DNAJC13: variants seen among roughly 807,000 people sequenced by gnomAD.
DNAJC13 encodes DnaJ heat shock protein family (Hsp40) member C13, also known as dnaJ homolog subfamily C member 13.
A neutral mutation model predicts 290.5 loss-of-function variants in DNAJC13; 75 were observed. The observed-to-expected ratio is 0.26, with a 90% CI of 0.21 to 0.31. DNAJC13 has a LOEUF of 0.31. DNAJC13 is among the 10% of genes least tolerant of loss of function. The pLI is 1.00. For missense variants in DNAJC13, 2,260 were observed against 2,674.5 expected, an observed-to-expected ratio of 0.85 and a Z score of 3.42; for synonymous variants, 862 against 892.0, an observed-to-expected ratio of 0.97 and a Z score of 0.60.
At chr3:132,422,268 C>T (rs1335584991) in intron 1 of DNAJC13, among the ~76,000 whole-genome samples, 1 of 152,078 alleles carries the variant, frequency 6.6e-6, no homozygotes, top group Admixed American at 6.5e-5. Context: ...AACTCCTGAG[C>T]TCAAGCAATC....
intron 1 of DNAJC13, among the ~76,000 whole-genome samples, chr3:132,432,452 A>G (rs557234405): frequency 3.7e-4 from 56 of 152,208 alleles, no homozygotes; most frequent in African/African-American, 1.1e-3. Context: ...TGATCCACCT[A>G]TGTCAGCCTC....
chr3:132,422,789 C>T (rs1336268935), intron 1 of DNAJC13, among the ~76,000 whole-genome samples: 4 of 152,056 alleles, frequency 2.6e-5, no homozygotes, highest in Admixed American at 2.6e-4. Context: ...ATTCAATAGT[C>T]GACATATGGG....
At chr3:132,422,075 G>A (rs1030754213) in intron 1 of DNAJC13, among the ~76,000 whole-genome samples, 8 of 151,254 alleles carry the variant, frequency 5.3e-5, no homozygotes, top group African/African-American at 1.9e-4. Flanking sequence ...CTGTTGCCCA[G>A]GCTGGAATGC....
In DNAJC13 at chr3:132,514,686, G is replaced by T. The variant is rs760270829; in HGVS notation, c.5485+16G>T. 1 of 1,589,716 alleles carries T rather than the reference G, an allele frequency of 6.3e-7. No homozygotes were observed. Among genetic ancestry groups the T allele is most frequent in the East Asian group, 2.2e-5 (1 of 44,458 alleles). On this transcript the variant is annotated intron_variant, in intron 46 of 55. Transcript: ENST00000260818. ...TTGCCATCAAGTATGTATACAGATG[G>T]AATTTTGGAAACCACAGCAAGATTA...
chr3:132,524,032 T>C (rs1936175529), intron 51 of DNAJC13: 2 of 206,522 alleles, frequency 9.7e-6, no homozygotes, highest in Admixed American at 1.1e-4. Flanking sequence ...GAGAAACCTG[T>C]GTGTTCGGTG....
chr3:132,470,825 G>T (rs1349783602), intron 20 of DNAJC13, among the ~76,000 whole-genome samples: 7 of 131,514 alleles, frequency 5.3e-5, no homozygotes, highest in African/African-American at 1.9e-4. Flanking sequence ...GGACAGGGCG[G>T]CTGGCCAGGC....
intron 2 of DNAJC13, among the ~76,000 whole-genome samples, chr3:132,441,579 G>A (rs757222652): frequency 8.5e-5 from 13 of 152,116 alleles, no homozygotes; most frequent in South Asian, 2.1e-4. Context: ...GAAATTTTCC[G>A]ACGTCAAGAA....
At position 132,525,804 on chromosome 3, in the gene DNAJC13, A is replaced by T; in HGVS notation, c.6240+15A>T. ...CTGAAAATGAGGTATTGATGAATACACTTAGTAGTTTATAAGCTCCAGAAT... is the reference window on the plus strand; with the variant it reads ...CTGAAAATGAGGTATTGATGAATACTCTTAGTAGTTTATAAGCTCCAGAAT... On this transcript the variant is annotated intron_variant, in intron 52 of 55. Transcript: ENST00000260818. 2 of 1,610,426 alleles carry T rather than the reference A, an allele frequency of 1.2e-6. No homozygotes were observed. Among genetic ancestry groups the T allele is most frequent in the Non-Finnish European group, 1.7e-6 (2 of 1,177,676 alleles).
chr3:132,445,446 T>C (rs1007026214), intron 2 of DNAJC13, among the ~76,000 whole-genome samples: 1 of 152,080 alleles, frequency 6.6e-6, no homozygotes, highest in African/African-American at 2.4e-5. Flanking sequence ...TTGTATTGTC[T>C]TTTCAGATTT....
intron 30 of DNAJC13, 68 bp downstream of exon 30, chr3:132,488,520 T>C (rs1576494547): frequency 1.4e-6 from 2 of 1,412,348 alleles, no homozygotes; most frequent in East Asian, 4.7e-5. Flanking sequence ...TTTAATTGAA[T>C]TATTTGTGAG....
chr3:132,437,797 C>T (rs751178699), intron 2 of DNAJC13, among the ~76,000 whole-genome samples: 1 of 152,128 alleles, frequency 6.6e-6, no homozygotes, highest in Admixed American at 6.5e-5. Context: ...TGGTCTCTTG[C>T]ATTTCCATAT....
chr3:132,489,069 T>C, intron 31 of DNAJC13, 48 bp downstream of exon 31: 1 of 1,514,680 alleles, frequency 6.6e-7, no homozygotes, highest in Non-Finnish European at 9.1e-7. Context: ...TAAGCTGTTT[T>C]GGCACTATAA....
intron 1 of DNAJC13, among the ~76,000 whole-genome samples, chr3:132,430,597 A>G (rs1939214647): frequency 6.6e-6 from 1 of 152,162 alleles, no homozygotes; most frequent in Non-Finnish European, 1.5e-5. Flanking sequence ...CAATATCTTA[A>G]GTTTAGACTA....
chr3:132,477,676 A>T, intron 22 of DNAJC13, 113 bp from the exon 23 acceptor site: 1 of 708,948 alleles, frequency 1.4e-6, no homozygotes, highest in Admixed American at 2.8e-5. Flanking sequence ...TATTGAATTA[A>T]CAGGTATTTT....
At chr3:132,428,695 A>C (rs1477006355) in intron 1 of DNAJC13, among the ~76,000 whole-genome samples, 1 of 152,094 alleles carries the variant, frequency 6.6e-6, no homozygotes, top group East Asian at 1.9e-4. Context: ...TTGGTAACAA[A>C]TTTTTGTCAT....
intron 20 of DNAJC13, among the ~76,000 whole-genome samples, chr3:132,472,280 A>G (rs1229968257): frequency 6.6e-6 from 1 of 152,222 alleles, no homozygotes; most frequent in Non-Finnish European, 1.5e-5. Context: ...CCTCTGGTCC[A>G]TGTACAGACT....
intron 22 of DNAJC13, among the ~76,000 whole-genome samples, chr3:132,477,227 A>T (rs76000553): frequency 0.022 from 3,318 of 152,330 alleles, 127 homozygotes; most frequent in African/African-American, 0.075. Flanking sequence ...TCCTTTTTAT[A>T]ATTGCCTGAA....
intron 55 of DNAJC13, among the ~76,000 whole-genome samples, chr3:132,537,854 A>G (rs190066071): frequency 2.4e-4 from 37 of 152,264 alleles, no homozygotes; most frequent in Middle Eastern, 3.4e-3. Context: ...CATTTTTTCC[A>G]TTCGACATAG....
chr3:132,432,581 T>A (rs1939270880), intron 1 of DNAJC13, among the ~76,000 whole-genome samples: 1 of 152,216 alleles, frequency 6.6e-6, no homozygotes, highest in Non-Finnish European at 1.5e-5. Flanking sequence ...GAAATAACCA[T>A]ATTTAACTTT....
Sources: gnomAD v4.1 joint callset for allele counts (sites outside exome capture counted in the v4.1 genomes callset) on GRCh38, gnomAD v4.1.1 for gene constraint, MANE v1.5 for transcripts, NCBI Gene and HGNC (gene_info 2026-07-23, HGNC 2026-07-21) for gene names.